Variants in CWC27 observed in about 807,000 individuals in gnomAD.
CWC27 encodes spliceosome-associated protein CWC27 homolog.
A neutral mutation model predicts 63.6 loss-of-function variants in CWC27; 47 were observed. The ratio of observed to expected loss-of-function variants is 0.74; its 90% CI spans 0.58 to 0.94. CWC27 has a LOEUF of 0.94. Among genes scored for constraint, CWC27 ranks in the 40% least tolerant of loss-of-function variants. The pLI is 0.00. For missense variants in CWC27, 495 were observed against 554.3 expected, an observed-to-expected ratio of 0.89 and a Z score of 1.07; for synonymous variants, 175 against 179.8, an observed-to-expected ratio of 0.97 and a Z score of 0.22.
intron 13 of CWC27, among the ~76,000 whole-genome samples, chr5:64,983,038 A>G (rs372501508): frequency 5.3e-5 from 8 of 152,184 alleles, no homozygotes; most frequent in East Asian, 3.9e-4. Flanking sequence ...GAACAGTTTC[A>G]TCCTGAAATC....
intron 11 of CWC27, among the ~76,000 whole-genome samples, chr5:64,901,561 GGAGT>G (rs1747511646): frequency 6.6e-6 from 1 of 152,130 alleles, no homozygotes; most frequent in Admixed American, 6.5e-5. Context: ...AGTGAGTCAG[GGAGT>G]GAGTGGTGAG....
intron 11 of CWC27, among the ~76,000 whole-genome samples, chr5:64,943,859 CAT>C (rs1360357166): frequency 2.0e-5 from 3 of 152,132 alleles, no homozygotes; most frequent in Non-Finnish European, 4.4e-5. Context: ...AACCCTCAAA[CAT>C]GTGATCTGGA....
intron 7 of CWC27, among the ~76,000 whole-genome samples, chr5:64,795,173 G>T (rs985933822): frequency 5.9e-5 from 9 of 152,042 alleles, no homozygotes; most frequent in Non-Finnish European, 1.3e-4. Context: ...GTTGGGAGGC[G>T]GCCATGGCAT....
intron 13 of CWC27, among the ~76,000 whole-genome samples, chr5:64,990,497 CCTCGTGAT>C (rs1186203147): frequency 2.1e-5 from 1 of 48,348 alleles, no homozygotes; most frequent in Admixed American, 2.0e-4. Context: ...GATCTCCTGA[CCTCGTGAT>C]CTGCCCGCCT....
intron 10 of CWC27, among the ~76,000 whole-genome samples, chr5:64,823,773 C>CT (rs1195631054): frequency 6.6e-6 from 1 of 152,144 alleles, no homozygotes; most frequent in African/African-American, 2.4e-5. Flanking sequence ...CAGGTTTATG[C>CT]TGCCAACCAG....
Position 64,977,239 on chromosome 5 carries a change from G to A in CWC27, c.1256+1G>A. On this transcript the variant is annotated splice_donor_variant, in intron 13 of 13. Coordinates refer to ENST00000381070, the MANE Select transcript of CWC27 (RefSeq NM_005869.4). LOFTEE classifies it high-confidence loss of function. The stretch of plus-strand genomic sequence containing the variant: ...CAGAAGTAGAAGATGATGAAGGATG[G>A]TAAGGGCTTTGATTTCTGTATATTA... The A allele has an allele frequency of 6.3e-7, 1 of 1,596,510 alleles. No individual in the cohort carries two copies. Among genetic ancestry groups the A allele is most frequent in the East Asian group, 2.2e-5 (1 of 44,688 alleles).
At position 64,769,141 on chromosome 5, in the gene CWC27, A is replaced by C; in HGVS notation, c.-6A>C. Reference sequence around the variant, plus strand: ...GTAAGGAGCAGAGTCCTTTGTACTGACCAAGATGAGCAACATCTACATCCA... The same window carrying C: ...GTAAGGAGCAGAGTCCTTTGTACTGCCCAAGATGAGCAACATCTACATCCA... On this transcript the variant is annotated 5_prime_UTR_variant, in exon 1 of 14. Coordinates refer to ENST00000381070, the MANE Select transcript of CWC27 (RefSeq NM_005869.4). 2.5e-6 allele frequency: 4 copies of C among 1,613,968 alleles called. No homozygotes were observed. Among genetic ancestry groups the C allele is most frequent in the Non-Finnish European group, 3.4e-6 (4 of 1,179,942 alleles).
chr5:64,985,094 T>C (rs1313701675), intron 13 of CWC27, among the ~76,000 whole-genome samples: 1 of 152,198 alleles, frequency 6.6e-6, no homozygotes, highest in Admixed American at 6.5e-5. Context: ...TATATTAATA[T>C]GGGTCTTTTC....
chr5:64,814,317 T>C (rs2112234002), intron 10 of CWC27, among the ~76,000 whole-genome samples: 1 of 152,096 alleles, frequency 6.6e-6, no homozygotes, highest in South Asian at 2.1e-4. Flanking sequence ...TAAGTATCAG[T>C]CTCCTTTCAA....
At chr5:64,890,527 T>C (rs1179110036) in intron 11 of CWC27, among the ~76,000 whole-genome samples, 1 of 152,196 alleles carries the variant, frequency 6.6e-6, no homozygotes, top group African/African-American at 2.4e-5. Context: ...AGCAGTTAAC[T>C]TTCTTTAGGT....
chr5:64,964,896 T>A (rs1371032739), intron 11 of CWC27, among the ~76,000 whole-genome samples: 2 of 152,186 alleles, frequency 1.3e-5, no homozygotes, highest in East Asian at 3.9e-4. Flanking sequence ...TTAAAAAAAA[T>A]CAAATTGGTA....
At chr5:64,940,842 C>CTTTTTTTTTTTTT (rs70983655) in intron 11 of CWC27, among the ~76,000 whole-genome samples, 12 of 64,962 alleles carry the variant, frequency 1.8e-4, no homozygotes, top group Admixed American at 2.3e-4. Context: ...TTCTTTCTTT[C>CTTTTTTTTTTTTT]TTTTTTTTTT....
chr5:64,807,999 C>CT (rs1421171955), intron 10 of CWC27: 1 of 1,388,992 alleles, frequency 7.2e-7, no homozygotes, highest in African/African-American at 1.5e-5. Context: ...CGACTGGCTA[C>CT]TTTCCATTTT....
chr5:64,991,902 T>C, intron 13 of CWC27, among the ~76,000 whole-genome samples: 1 of 152,188 alleles, frequency 6.6e-6, no homozygotes, highest in Middle Eastern at 3.2e-3. Context: ...AACCACTTGT[T>C]AAGGGTATTT....
At chr5:65,017,947 T>C (rs1750078383) in intron 13 of CWC27, among the ~76,000 whole-genome samples, 1 of 152,218 alleles carries the variant, frequency 6.6e-6, no homozygotes. Flanking sequence ...CTACTAGAAA[T>C]ACAAACCAGC....
intron 7 of CWC27, among the ~76,000 whole-genome samples, chr5:64,799,709 T>G (rs965872849): frequency 1.3e-5 from 2 of 151,974 alleles, no homozygotes; most frequent in African/African-American, 4.8e-5. Context: ...ACTTTGAAAT[T>G]AAAGCATTTA....
intron 11 of CWC27, among the ~76,000 whole-genome samples, chr5:64,900,226 C>T (rs969465984): frequency 1.3e-5 from 2 of 152,176 alleles, no homozygotes; most frequent in East Asian, 1.9e-4. Flanking sequence ...TCCTTGTTAA[C>T]ACTTCGTGTG....
intron 13 of CWC27, among the ~76,000 whole-genome samples, chr5:65,009,729 G>C (rs919236521): frequency 6.6e-6 from 1 of 152,214 alleles, no homozygotes; most frequent in African/African-American, 2.4e-5. Context: ...AATCCAAGGA[G>C]AGAGCCCTCA....
intron 10 of CWC27, among the ~76,000 whole-genome samples, chr5:64,826,741 G>C (rs572113851): frequency 6.8e-6 from 1 of 147,868 alleles, no homozygotes; most frequent in African/African-American, 2.5e-5. Flanking sequence ...TAATACAACT[G>C]TTAGTTTCAT....
Sources: gnomAD v4.1 joint callset for allele counts (sites outside exome capture counted in the v4.1 genomes callset) on GRCh38, gnomAD v4.1.1 for gene constraint, MANE v1.5 for transcripts, NCBI Gene and HGNC (gene_info 2026-07-23, HGNC 2026-07-21) for gene names.